Variants in CDH13 observed in about 807,000 individuals in gnomAD.
CDH13 encodes the protein cadherin-13.
In CDH13, 24 loss-of-function variants were observed where a neutral mutation model predicts 63.8. The ratio of observed to expected loss-of-function variants is 0.38; its 90% CI spans 0.27 to 0.53. The LOEUF (loss-of-function observed/expected upper bound fraction) is 0.53, where lower values mean the gene tolerates loss of function less well. Among genes scored for constraint, CDH13 ranks in the 20% least tolerant of loss-of-function variants. The pLI is 0.85. For missense variants in CDH13, 1,049 were observed against 903.1 expected (o/e 1.16, Z -2.07); for synonymous variants, 503 against 355.3 (o/e 1.42, Z -4.67).
intron 5 of CDH13, among the ~76,000 whole-genome samples, chr16:83,221,670 G>T (rs2039704874): frequency 6.6e-6 from 1 of 151,186 alleles, no homozygotes. Context: ...TGGGGGGGCG[G>T]TTGGGATGGG....
intron 4 of CDH13, among the ~76,000 whole-genome samples, chr16:83,140,430 C>T (rs911832216): frequency 7.2e-5 from 11 of 152,276 alleles, no homozygotes; most frequent in South Asian, 6.2e-4. Flanking sequence ...ACAGATAGGT[C>T]TGTTCACTTT....
At chr16:83,561,721 G>T (rs915222819) in intron 7 of CDH13, among the ~76,000 whole-genome samples, 1 of 152,168 alleles carries the variant, frequency 6.6e-6, no homozygotes, top group African/African-American at 2.4e-5. Flanking sequence ...GAGAGATAAT[G>T]TACCTGAATT....
chr16:83,525,502 G>A (rs1477199536), intron 7 of CDH13, among the ~76,000 whole-genome samples: 1 of 152,194 alleles, frequency 6.6e-6, no homozygotes, highest in African/African-American at 2.4e-5. Flanking sequence ...TGGTGGGAGA[G>A]GGCATCCTAA....
At chr16:83,130,154 A>G (rs1277198327) in intron 4 of CDH13, among the ~76,000 whole-genome samples, 1 of 152,248 alleles carries the variant, frequency 6.6e-6, no homozygotes, top group Non-Finnish European at 1.5e-5. Flanking sequence ...AGGTGACAAT[A>G]TCAGCACATA....
At chr16:83,259,939 C>G (rs1194708932) in intron 5 of CDH13, among the ~76,000 whole-genome samples, 1 of 152,080 alleles carries the variant, frequency 6.6e-6, no homozygotes, top group Non-Finnish European at 1.5e-5. Flanking sequence ...GAACATCATT[C>G]TTGAGTGATT....
rs572981492 is a variant in CDH13, at chr16:83,146,724, G to T, written c.483+21223G>T. 1.7e-3 allele frequency among the ~76,000 whole-genome samples: 252 copies of T among 152,232 alleles called. 2 individuals are homozygous for T. Among genetic ancestry groups the T allele is most frequent in the African/African-American group, 5.8e-3 (239 of 41,512 alleles). On this transcript the variant is annotated intron_variant, in intron 4 of 13. Transcript: ENST00000567109. ...ATAATTCAAGCACAATTGGAGTTTG[G>T]TTATCAAAGGACAAAATAGGCCATA...
intron 2 of CDH13, among the ~76,000 whole-genome samples, chr16:83,000,041 A>C (rs968615936): frequency 7.9e-5 from 12 of 152,018 alleles, no homozygotes; most frequent in African/African-American, 2.9e-4. Context: ...CAACAACAAA[A>C]AAATATCCTG....
chr16:83,201,046 C>G (rs1226347153), intron 4 of CDH13, among the ~76,000 whole-genome samples: 3 of 151,782 alleles, frequency 2.0e-5, no homozygotes, highest in Non-Finnish European at 4.4e-5. Flanking sequence ...TCTTGGAACT[C>G]AAGCCCAAGA....
At chr16:83,076,635 T>TCACA (rs150845731) in intron 3 of CDH13, among the ~76,000 whole-genome samples, 11 of 150,062 alleles carry the variant, frequency 7.3e-5, no homozygotes, top group African/African-American at 2.4e-4. Flanking sequence ...AATATACACA[T>TCACA]CACACACACA....
At chr16:82,804,508 G>A (rs7185438) in intron 1 of CDH13, among the ~76,000 whole-genome samples, 150,021 of 152,308 alleles carry the variant, frequency 0.98, 73,919 homozygotes, top group Middle Eastern at 1. Flanking sequence ...AAATAAAAAC[G>A]TTTGCTTTCA....
intron 6 of CDH13, among the ~76,000 whole-genome samples, chr16:83,467,694 C>T (rs544203349): frequency 6.6e-6 from 1 of 152,282 alleles, no homozygotes; most frequent in East Asian, 1.9e-4. Flanking sequence ...CTGTCTGTGT[C>T]GTTCCTGGCT....
chr16:83,478,793 C>T (rs886875258), intron 6 of CDH13, among the ~76,000 whole-genome samples: 7 of 150,032 alleles, frequency 4.7e-5, no homozygotes, highest in African/African-American at 1.7e-4. Context: ...GAACTGAGAA[C>T]CAACCTCCCA....
At chr16:82,916,991 A>C (rs1012856209) in intron 2 of CDH13, among the ~76,000 whole-genome samples, 1 of 152,232 alleles carries the variant, frequency 6.6e-6, no homozygotes, top group African/African-American at 2.4e-5. Flanking sequence ...ATCCACACTC[A>C]CACAGCTACT....
At chr16:83,709,087 G>A (rs1175398626) in intron 10 of CDH13, among the ~76,000 whole-genome samples, 1 of 152,092 alleles carries the variant, frequency 6.6e-6, no homozygotes, top group Non-Finnish European at 1.5e-5. Context: ...GAGGGTCAGA[G>A]TCAGAGAAGG....
intron 10 of CDH13, among the ~76,000 whole-genome samples, chr16:83,741,814 GC>G (rs1912091879): frequency 6.9e-6 from 1 of 144,626 alleles, no homozygotes; most frequent in South Asian, 2.1e-4. Context: ...GCCACGGACG[GC>G]CCCAACCCCT....
chr16:82,662,745 A>G (rs17262787), intron 1 of CDH13, among the ~76,000 whole-genome samples: 1 of 152,126 alleles, frequency 6.6e-6, no homozygotes, highest in Non-Finnish European at 1.5e-5. Flanking sequence ...CTTAAATGTC[A>G]AATAGCGCCT....
At chr16:83,525,685 G>T (rs1045488427) in intron 7 of CDH13, among the ~76,000 whole-genome samples, 1 of 152,078 alleles carries the variant, frequency 6.6e-6, no homozygotes, top group Admixed American at 6.5e-5. Flanking sequence ...CCTACCTGAG[G>T]GACATTGCAG....
intron 4 of CDH13, among the ~76,000 whole-genome samples, chr16:83,214,088 C>T (rs896916879): frequency 6.6e-6 from 1 of 152,094 alleles, no homozygotes; most frequent in Non-Finnish European, 1.5e-5. Flanking sequence ...CAGCGACAAC[C>T]TGCTCGGATC....
At chr16:83,095,571 C>G (rs1243965424) in intron 3 of CDH13, among the ~76,000 whole-genome samples, 2 of 152,140 alleles carry the variant, frequency 1.3e-5, no homozygotes, top group African/African-American at 4.8e-5. Flanking sequence ...ACCCAATAGA[C>G]TGTGAGTTCT....
Sources: allele counts gnomAD v4.1 joint callset (sites outside exome capture counted in the v4.1 genomes callset), GRCh38; gene constraint gnomAD v4.1.1; transcripts MANE v1.5; gene names NCBI Gene and HGNC (gene_info 2026-07-23, HGNC 2026-07-21).